ASTN2: variants seen among roughly 807,000 people sequenced by gnomAD.
ASTN2 encodes the protein astrotactin-2.
In ASTN2, 54 loss-of-function variants were observed where a neutral mutation model predicts 139.8. The ratio of observed to expected loss-of-function variants is 0.39; its 90% CI spans 0.31 to 0.48. The LOEUF (loss-of-function observed/expected upper bound fraction) is 0.48. ASTN2 is among the 20% of genes least tolerant of loss of function. The pLI, the probability that ASTN2 is intolerant of heterozygous loss-of-function variation, is 0.95. For synonymous variants in ASTN2, 756 were observed against 719.5 expected, an observed-to-expected ratio of 1.05 and a Z score of -0.81; for missense variants, 1,565 against 1,725.1, an observed-to-expected ratio of 0.91 and a Z score of 1.64.
chr9:117,400,777 G>A (rs1020569073), intron 1 of ASTN2, among the ~76,000 whole-genome samples: 1 of 152,126 alleles, frequency 6.6e-6, no homozygotes, highest in Admixed American at 6.5e-5. Context: ...GGATCACTTA[G>A]TTTAATCTCA....
rs140561378 is a variant in ASTN2 at position 117,164,534 on chromosome 9, C to T, written c.1016-23056G>A. On this transcript the variant is annotated intron_variant, in intron 3 of 22. Transcript: ENST00000313400. ...ATAGCTATTAAATCAAAACAGCCTC[C>T]TGGTCTCCTTAAACCCCTGCCCCCC... is the stretch of plus-strand genomic sequence containing the variant. Among the ~76,000 whole-genome samples, 981 of 152,192 alleles carry T rather than the reference C, an allele frequency of 6.4e-3. 6 individuals carry two copies. The highest frequency in any genetic ancestry group is 0.022 in the African/African-American group (935 of 41,556).
At chr9:116,739,940 G>GC (rs1388502843) in intron 13 of ASTN2, among the ~76,000 whole-genome samples, 1 of 152,184 alleles carries the variant, frequency 6.6e-6, no homozygotes, top group African/African-American at 2.4e-5. Flanking sequence ...AGGATCTAAA[G>GC]CATATTGAGG....
chr9:116,976,590 T>G, intron 8 of ASTN2, 111 bp downstream of exon 8: 1 of 885,500 alleles, frequency 1.1e-6, no homozygotes, highest in Non-Finnish European at 1.8e-6. Context: ...AACACTACTG[T>G]TGCAGAGAAA....
intron 19 of ASTN2, among the ~76,000 whole-genome samples, chr9:116,565,419 A>G (rs71495184): frequency 1.1e-5 from 1 of 87,068 alleles, no homozygotes; most frequent in Non-Finnish European, 2.2e-5. Context: ...ATATATATAT[A>G]TATATATATA....
intron 19 of ASTN2, among the ~76,000 whole-genome samples, chr9:116,505,169 G>A (rs1358053799): frequency 6.6e-6 from 1 of 151,250 alleles, no homozygotes; most frequent in Non-Finnish European, 1.5e-5. Flanking sequence ...TTGCATATGG[G>A]GCATCAATAT....
chr9:117,176,942 T>C (rs1830933066), intron 3 of ASTN2, among the ~76,000 whole-genome samples: 1 of 152,134 alleles, frequency 6.6e-6, no homozygotes, highest in Non-Finnish European at 1.5e-5. Context: ...AAAGAATTAA[T>C]ACATACAATG....
intron 19 of ASTN2, among the ~76,000 whole-genome samples, chr9:116,603,226 G>A (rs896933950): frequency 3.3e-5 from 5 of 152,058 alleles, no homozygotes; most frequent in Admixed American, 1.3e-4. Context: ...TAGAAAAGTT[G>A]GAACTGATAG....
intron 19 of ASTN2, among the ~76,000 whole-genome samples, chr9:116,593,553 C>G (rs975286545): frequency 6.6e-6 from 1 of 152,216 alleles, no homozygotes; most frequent in Non-Finnish European, 1.5e-5. Flanking sequence ...AGAGCCTACT[C>G]TATACTACAA....
intron 19 of ASTN2, among the ~76,000 whole-genome samples, chr9:116,556,925 T>C (rs1183069909): frequency 6.6e-6 from 1 of 152,058 alleles, no homozygotes; most frequent in Non-Finnish European, 1.5e-5. Context: ...TGGAGAGGTA[T>C]GTTAATATGT....
chr9:116,439,302 G>A (rs1042334962), intron 22 of ASTN2, among the ~76,000 whole-genome samples: 12 of 126,308 alleles, frequency 9.5e-5, no homozygotes, highest in Non-Finnish European at 1.7e-4. Flanking sequence ...CCGGGTTCAC[G>A]CCATTCTCCT....
chr9:117,197,114 G>C (rs914073374), intron 3 of ASTN2: 1 of 152,178 alleles, frequency 6.6e-6, no homozygotes, highest in Non-Finnish European at 1.5e-5. Context: ...TTAAGATAAT[G>C]GTCGGATGTG....
intron 13 of ASTN2, among the ~76,000 whole-genome samples, chr9:116,801,305 G>C (rs1489451657): frequency 6.6e-6 from 1 of 152,078 alleles, no homozygotes; most frequent in African/African-American, 2.4e-5. Flanking sequence ...ATTTACGGCT[G>C]GGCGGGGTGG....
intron 10 of ASTN2, among the ~76,000 whole-genome samples, chr9:116,878,804 G>A (rs1833371506): frequency 6.6e-6 from 1 of 151,638 alleles, no homozygotes. Context: ...AAAAGTTTCA[G>A]TGGCAAATGC....
intron 19 of ASTN2, among the ~76,000 whole-genome samples, chr9:116,587,830 A>G (rs1854219773): frequency 7.1e-6 from 1 of 141,004 alleles, no homozygotes. Context: ...AGTAGAATAC[A>G]TTACTGAAAG....
Position 116,699,555 on chromosome 9 carries a change from G to A in ASTN2, c.2806+26216C>T, listed in dbSNP as rs779843649. ...CAAGGAAATTCTCCATTTTCCTAAG[G>A]GTGGGGGCTATAGTGTCCTTATTCG... On this transcript the variant is annotated intron_variant, in intron 16 of 22. Transcript: ENST00000313400. This position sits in a 1 kb window ranked among gnomAD's most constrained non-coding sequence, Gnocchi z 4.2. The A allele has an allele frequency of 6.2e-7, 1 of 1,614,212 alleles. No individual in the cohort carries two copies. Among genetic ancestry groups the A allele is most frequent in the South Asian group, 1.1e-5 (1 of 91,082 alleles).
chr9:116,891,907 T>C lies in ASTN2; in HGVS notation c.1890-28174A>G, dbSNP rs1193001829. 3.3e-5 allele frequency among the ~76,000 whole-genome samples: 5 copies of C among 152,296 alleles called. No homozygotes were observed. The East Asian group carries it at 9.7e-4, about 29-fold the overall frequency. Reference sequence around the variant, plus strand: ...AACAAAGCATTTAGAGCTGATTGCATTGGAAATATTCAAGGTATATAAGCT... The same window carrying C: ...AACAAAGCATTTAGAGCTGATTGCACTGGAAATATTCAAGGTATATAAGCT... On this transcript the variant is annotated intron_variant, in intron 10 of 22. Transcript: ENST00000313400.
chr9:117,349,432 T>C (rs756193377), intron 1 of ASTN2, among the ~76,000 whole-genome samples: 2 of 152,168 alleles, frequency 1.3e-5, no homozygotes, highest in Admixed American at 6.5e-5. Flanking sequence ...ATGGAGAAAT[T>C]AGACATGGCC....
chr9:116,705,892 G>C (rs891672148), intron 16 of ASTN2, among the ~76,000 whole-genome samples: 1 of 152,154 alleles, frequency 6.6e-6, no homozygotes, highest in Admixed American at 6.5e-5. Flanking sequence ...AGAGTGAGAA[G>C]TTGGTGCCAG....
chr9:117,386,031 T>A (rs1395267647), intron 1 of ASTN2, among the ~76,000 whole-genome samples: 1 of 151,828 alleles, frequency 6.6e-6, no homozygotes, highest in Non-Finnish European at 1.5e-5. Context: ...GCAAGTGGGG[T>A]CCCTGGAACC....
Sources: gnomAD v4.1 joint callset for allele counts (sites outside exome capture counted in the v4.1 genomes callset) on GRCh38, gnomAD v4.1.1 for gene constraint, Gnocchi (gnomAD v3.1) non-coding constraint, MANE v1.5 for transcripts, NCBI Gene and HGNC (gene_info 2026-07-23, HGNC 2026-07-21) for gene names.